Variants in PSTPIP2 observed in about 807,000 individuals in gnomAD.
PSTPIP2 encodes proline-serine-threonine phosphatase-interacting protein 2.
Under a neutral mutation model 63.3 loss-of-function variants are expected in PSTPIP2, and 33 were observed. That is an observed-to-expected ratio of 0.52 (90% CI 0.40 to 0.70). The LOEUF is 0.70. Among genes scored for constraint, PSTPIP2 ranks in the 30% least tolerant of loss-of-function variants. The pLI, the probability that PSTPIP2 is intolerant of heterozygous loss-of-function variation, is 0.00. For synonymous variants in PSTPIP2, 125 were observed against 132.7 expected, an observed-to-expected ratio of 0.94 and a Z score of 0.40; for missense variants, 312 against 400.7, an observed-to-expected ratio of 0.78 and a Z score of 1.89.
In PSTPIP2 at chr18:46,072,258, A is replaced by T; in HGVS notation, c.-70T>A. ...CACAGAGCGGGGAGGCCTGACTGCCACTGCCCGCGGCTCCGCAGACTCAAC... is the reference window on the plus strand; with the variant it reads ...CACAGAGCGGGGAGGCCTGACTGCCTCTGCCCGCGGCTCCGCAGACTCAAC... On this transcript the variant is annotated 5_prime_UTR_variant, in exon 1 of 15. Transcript: ENST00000409746. The T allele has an allele frequency of 1.3e-6, 2 of 1,501,210 alleles. No individual in the cohort carries two copies. 93.0% of individuals were successfully genotyped at this position (1,501,210 alleles called of 1,614,324 possible).
chr18:45,990,128 T>A (rs2051511015), intron 13 of PSTPIP2, among the ~76,000 whole-genome samples: 1 of 152,258 alleles, frequency 6.6e-6, no homozygotes, highest in African/African-American at 2.4e-5. Context: ...GGGAACTATA[T>A]CTCAGTTCTG....
intron 6 of PSTPIP2, among the ~76,000 whole-genome samples, chr18:46,003,923 A>ATTT (rs569661458): frequency 1.7e-4 from 25 of 142,888 alleles, no homozygotes; most frequent in African/African-American, 5.9e-4. Flanking sequence ...CACCCAGCTA[A>ATTT]TTTTTTTTTT....
At chr18:46,068,328 C>T (rs1909266807) in intron 1 of PSTPIP2, among the ~76,000 whole-genome samples, 1 of 151,960 alleles carries the variant, frequency 6.6e-6, no homozygotes, top group African/African-American at 2.4e-5. Context: ...GACAGATTCT[C>T]GCTCTGTCGC....
chr18:46,028,490 C>A, intron 2 of PSTPIP2: 1 of 631,492 alleles, frequency 1.6e-6, no homozygotes, highest in African/African-American at 1.8e-5. Context: ...AGGAGCTGGT[C>A]TTCGGCGATG....
chr18:46,022,921 A>G (rs1341045735), intron 3 of PSTPIP2, among the ~76,000 whole-genome samples: 1 of 152,230 alleles, frequency 6.6e-6, no homozygotes, highest in African/African-American at 2.4e-5. Flanking sequence ...TACACCATGG[A>G]ACACTACGAA....
chr18:46,019,173 C>T (rs1472424944), intron 3 of PSTPIP2, among the ~76,000 whole-genome samples: 1 of 152,156 alleles, frequency 6.6e-6, no homozygotes, highest in African/African-American at 2.4e-5. Flanking sequence ...TCAACCTACC[C>T]AAGCAGGGTT....
chr18:46,031,973 G>A (rs556543912), intron 2 of PSTPIP2, among the ~76,000 whole-genome samples: 1 of 152,328 alleles, frequency 6.6e-6, no homozygotes, highest in Admixed American at 6.5e-5. Flanking sequence ...AACCACTGAG[G>A]TTGAGAGGGT....
intron 14 of PSTPIP2, among the ~76,000 whole-genome samples, chr18:45,988,374 G>T (rs1664053061): frequency 1.4e-5 from 2 of 147,600 alleles, no homozygotes; most frequent in Admixed American, 1.4e-4. Context: ...TGTGGAGATT[G>T]CAGTGAGCTG....
chr18:46,035,564 C>G (rs1317314605), intron 2 of PSTPIP2, among the ~76,000 whole-genome samples: 1 of 152,050 alleles, frequency 6.6e-6, no homozygotes, highest in Non-Finnish European at 1.5e-5. Flanking sequence ...TAAAGACGTA[C>G]AGGCAGAGAC....
intron 6 of PSTPIP2, among the ~76,000 whole-genome samples, chr18:46,004,993 A>G (rs1429552606): frequency 2.6e-5 from 4 of 152,246 alleles, no homozygotes. Context: ...GATAAAGAAT[A>G]TGTGGTACAT....
intron 2 of PSTPIP2, among the ~76,000 whole-genome samples, chr18:46,025,274 T>C (rs1207781791): frequency 2.6e-5 from 4 of 152,188 alleles, no homozygotes; most frequent in African/African-American, 9.7e-5. Context: ...TAGGCTCATC[T>C]ACCCTACTTT....
chr18:45,990,686 T>C (rs2051519296), intron 13 of PSTPIP2, 36 bp downstream of exon 13: 4 of 1,557,438 alleles, frequency 2.6e-6, no homozygotes, highest in East Asian at 4.5e-5. Flanking sequence ...TGCCTTGCAA[T>C]ATAAGAATTT....
At chr18:46,070,352 T>C (rs1003809313) in intron 1 of PSTPIP2, among the ~76,000 whole-genome samples, 1 of 152,182 alleles carries the variant, frequency 6.6e-6, no homozygotes, top group East Asian at 1.9e-4. Context: ...GTCTTCACCC[T>C]GTCACCCTCT....
chr18:46,043,611 T>C (rs562516958), intron 1 of PSTPIP2, among the ~76,000 whole-genome samples: 2 of 152,216 alleles, frequency 1.3e-5, no homozygotes, highest in South Asian at 4.1e-4. Context: ...CAACGATGTC[T>C]GCTCTCACTA....
intron 2 of PSTPIP2, among the ~76,000 whole-genome samples, chr18:46,038,534 T>G (rs1264634301): frequency 6.6e-6 from 1 of 152,174 alleles, no homozygotes; most frequent in African/African-American, 2.4e-5. Flanking sequence ...AATCTCTAGA[T>G]CCTTCATGCT....
chr18:46,066,053 C>T (rs1054001455), intron 1 of PSTPIP2, among the ~76,000 whole-genome samples: 1 of 152,000 alleles, frequency 6.6e-6, no homozygotes, highest in African/African-American at 2.4e-5. Flanking sequence ...ATATTAAAAA[C>T]TATTGGCCAG....
At chr18:45,988,301 G>T (rs1208920853) in intron 14 of PSTPIP2, among the ~76,000 whole-genome samples, 1 of 151,720 alleles carries the variant, frequency 6.6e-6, no homozygotes, top group Non-Finnish European at 1.5e-5. Context: ...TGGGTGTGGT[G>T]GTGCATGCCT....
intron 2 of PSTPIP2, chr18:46,028,310 C>A: frequency 2.2e-6 from 1 of 464,528 alleles, no homozygotes. Flanking sequence ...GGAACGAGGG[C>A]GGACTGGAAA....
chr18:46,020,156 G>C (rs893442773), intron 3 of PSTPIP2, among the ~76,000 whole-genome samples: 4 of 152,148 alleles, frequency 2.6e-5, no homozygotes, highest in Non-Finnish European at 4.4e-5. Flanking sequence ...TGACATTCCA[G>C]GAATGGAATC....
Sources: gnomAD v4.1 joint callset for allele counts (sites outside exome capture counted in the v4.1 genomes callset) on GRCh38, gnomAD v4.1.1 for gene constraint, MANE v1.5 for transcripts, NCBI Gene and HGNC (gene_info 2026-07-23, HGNC 2026-07-21) for gene names.